ACBD3: variants seen among roughly 807,000 people sequenced by gnomAD.
ACBD3 encodes Golgi resident protein GCP60.
ACBD3 carries 30 observed loss-of-function variants against 66.9 expected under a neutral mutation model. The ratio of observed to expected loss-of-function variants is 0.45; its 90% CI spans 0.34 to 0.61. The LOEUF (loss-of-function observed/expected upper bound fraction) is 0.61, where lower values mean the gene tolerates loss of function less well. ACBD3 is among the 20% of genes least tolerant of loss of function. The probability of loss-of-function intolerance (pLI) is 0.02; values close to 1 mark genes in which losing one functional copy is unlikely to be tolerated. For missense variants in ACBD3, 544 were observed against 664.5 expected, an observed-to-expected ratio of 0.82 and a Z score of 1.99; for synonymous variants, 278 against 259.8, an observed-to-expected ratio of 1.07 and a Z score of -0.68.
At chr1:226,177,790 C>T (rs1016040272) in intron 1 of ACBD3, among the ~76,000 whole-genome samples, 1 of 151,428 alleles carries the variant, frequency 6.6e-6, no homozygotes, top group East Asian at 2.0e-4. Flanking sequence ...GTAGCCCAGG[C>T]TGGAGTGCAG....
chr1:226,179,410 G>T (rs1002171472), intron 1 of ACBD3, among the ~76,000 whole-genome samples: 1 of 152,056 alleles, frequency 6.6e-6, no homozygotes, highest in African/African-American at 2.4e-5. Context: ...GTACTCCTTG[G>T]TGCAGAGGAG....
intron 5 of ACBD3, 165 bp from the exon 6 acceptor site, chr1:226,154,998 ATTAG>A (rs1213388583): frequency 2.3e-6 from 1 of 429,676 alleles, no homozygotes; most frequent in East Asian, 3.5e-5. Context: ...AATGAATATT[ATTAG>A]TACAATATCA....
intron 1 of ACBD3, among the ~76,000 whole-genome samples, chr1:226,172,747 C>A (rs1005160196): frequency 6.6e-6 from 1 of 152,042 alleles, no homozygotes; most frequent in Non-Finnish European, 1.5e-5. Context: ...GAGTTTGAGA[C>A]CAACCTGGGC....
At chr1:226,184,855 A>G (rs1390713030) in intron 1 of ACBD3, among the ~76,000 whole-genome samples, 1 of 148,570 alleles carries the variant, frequency 6.7e-6, no homozygotes, top group East Asian at 2.0e-4. Flanking sequence ...CTGGAGTACA[A>G]TGGTGCCATC....
intron 1 of ACBD3, among the ~76,000 whole-genome samples, chr1:226,182,294 C>T (rs2102791891): frequency 6.6e-6 from 1 of 152,026 alleles, no homozygotes; most frequent in East Asian, 1.9e-4. Context: ...TCCTCATCTT[C>T]TAATTTACTG....
intron 1 of ACBD3, among the ~76,000 whole-genome samples, chr1:226,172,394 T>C (rs1291012343): frequency 2.0e-5 from 3 of 152,136 alleles, no homozygotes; most frequent in Non-Finnish European, 4.4e-5. Context: ...TACTCTTTTA[T>C]GCACGTACTA....
intron 1 of ACBD3, 37 bp from the exon 2 acceptor site, chr1:226,166,037 C>G (rs746249713): frequency 1.3e-6 from 2 of 1,583,412 alleles, no homozygotes; most frequent in South Asian, 2.3e-5. Flanking sequence ...ACAATTAGCA[C>G]AGGCAAAATA....
At chr1:226,171,304 C>T (rs745814106) in intron 1 of ACBD3, among the ~76,000 whole-genome samples, 7 of 151,762 alleles carry the variant, frequency 4.6e-5, no homozygotes, top group Non-Finnish European at 1.0e-4. Context: ...TGCACCACCA[C>T]GCCTGGCTAC....
At chr1:226,182,944 GCTAA>G (rs1445382358) in intron 1 of ACBD3, among the ~76,000 whole-genome samples, 3 of 152,106 alleles carry the variant, frequency 2.0e-5, no homozygotes, top group Non-Finnish European at 4.4e-5. Context: ...ATGGTAAAAT[GCTAA>G]CTTACATTTA....
At chr1:226,149,831 C>T (rs28368614) in intron 7 of ACBD3, among the ~76,000 whole-genome samples, 6,657 of 151,840 alleles carry the variant, frequency 0.044, 169 homozygotes, top group Middle Eastern at 0.065. Flanking sequence ...CAGGGGCCAC[C>T]GTGCCTGGCC....
Position 226,170,164 on chromosome 1 carries a change from G to GA in ACBD3, c.287-4165_287-4164insT, listed in dbSNP as rs373150407. Among the ~76,000 whole-genome samples, 7 of 133,050 alleles carry GA rather than the reference G, an allele frequency of 5.3e-5. 1 individual carries two copies. The East Asian group carries it at 1.6e-3, about 30-fold the overall frequency. 87.3% of individuals were successfully genotyped at this position (133,050 alleles called of 152,430 possible). A position where few individuals can be genotyped will look rare whatever the true frequency, so the allele number is the denominator to read the frequency against. On this transcript the variant is annotated intron_variant, in intron 1 of 7. Transcript: ENST00000366812. ...ATTTTTCCTTTCCTTTTTTTTTTTG[G>GA]TTTTTTTTTTTGAGACGGAGTCTCA... is the stretch of plus-strand genomic sequence containing the variant.
Position 226,164,944 on chromosome 1 carries a change from A to G in ACBD3, c.429-15T>C. On this transcript the variant is annotated splice_polypyrimidine_tract_variant and intron_variant, in intron 2 of 7. Coordinates refer to ENST00000366812, the MANE Select transcript of ACBD3 (RefSeq NM_022735.4). ...CCCATTCTCTCCTGTAAGGAATAAC[A>G]AGAAAAGTTACCTCCCCTTCTTAGT... is the stretch of plus-strand genomic sequence containing the variant. The G allele has an allele frequency of 6.5e-7, 1 of 1,531,558 alleles. No individual in the cohort carries two copies. Among genetic ancestry groups the G allele is most frequent in the Middle Eastern group, 1.7e-4 (1 of 5,770 alleles). 94.9% of individuals were successfully genotyped at this position (1,531,558 alleles called of 1,614,324 possible).
intron 3 of ACBD3, among the ~76,000 whole-genome samples, chr1:226,164,064 T>C (rs1659820594): frequency 7.3e-6 from 1 of 137,124 alleles, no homozygotes; most frequent in African/African-American, 2.8e-5. Flanking sequence ...AGGCAGAGGA[T>C]TGTGTCACTG....
intron 3 of ACBD3, among the ~76,000 whole-genome samples, chr1:226,163,512 T>A (rs1334103007): frequency 2.6e-5 from 4 of 152,148 alleles, no homozygotes; most frequent in Admixed American, 6.5e-5. Flanking sequence ...AAAAAAAAAA[T>A]TTCTTTGGAT....
At chr1:226,173,542 C>T (rs1022525353) in intron 1 of ACBD3, among the ~76,000 whole-genome samples, 5 of 151,516 alleles carry the variant, frequency 3.3e-5, no homozygotes, top group Admixed American at 3.3e-4. Context: ...CAACCACTTT[C>T]GGTATAGCAC....
At chr1:226,154,947 G>T in intron 5 of ACBD3, 114 bp from the exon 6 acceptor site, 1 of 725,456 alleles carries the variant, frequency 1.4e-6, no homozygotes, top group Non-Finnish European at 2.0e-6. Flanking sequence ...CTATGCTCAA[G>T]AAATTACTAA....
chr1:226,173,424 T>G (rs1367654500), intron 1 of ACBD3, among the ~76,000 whole-genome samples: 1 of 152,236 alleles, frequency 6.6e-6, no homozygotes, highest in Non-Finnish European at 1.5e-5. Flanking sequence ...CATTATCTTT[T>G]TTAACACACA....
At chr1:226,147,385 G>C (rs1008320611) in intron 7 of ACBD3, among the ~76,000 whole-genome samples, 1 of 152,076 alleles carries the variant, frequency 6.6e-6, no homozygotes, top group African/African-American at 2.4e-5. Flanking sequence ...TGGTAGCAGT[G>C]GTCAGCATCC....
At chr1:226,154,583 A>T in intron 6 of ACBD3, 64 bp downstream of exon 6, 1 of 1,520,256 alleles carries the variant, frequency 6.6e-7, no homozygotes, top group Non-Finnish European at 8.9e-7. Context: ...ACCTGACTTC[A>T]TGACTTTTGC....
Sources: gnomAD v4.1 joint callset for allele counts (sites outside exome capture counted in the v4.1 genomes callset) on GRCh38, gnomAD v4.1.1 for gene constraint, MANE v1.5 for transcripts, NCBI Gene and HGNC (gene_info 2026-07-23, HGNC 2026-07-21) for gene names.